TSPEAR: variants seen among roughly 807,000 people sequenced by gnomAD.
TSPEAR encodes thrombospondin type laminin G domain and EAR repeats, also known as thrombospondin-type laminin G domain and EAR repeat-containing protein.
Under a neutral mutation model 71.6 loss-of-function variants are expected in TSPEAR, and 69 were observed. The ratio of observed to expected loss-of-function variants is 0.96; its 90% confidence interval spans 0.79 to 1.18. The LOEUF (loss-of-function observed/expected upper bound fraction) is 1.18, where lower values mean the gene tolerates loss of function less well. Among genes scored for constraint, TSPEAR ranks in the 50% most tolerant of loss-of-function variants. TSPEAR has a pLI of 0.00. For missense variants in TSPEAR, 971 were observed against 894.9 expected (o/e 1.09, Z -1.09); for synonymous variants, 402 against 387.2 (o/e 1.04, Z -0.45).
At position 44,689,715 on chromosome 21, in the gene TSPEAR, A is replaced by G. The variant is rs369742085; in HGVS notation, c.82+21718T>C. On this transcript the variant is annotated intron_variant, in intron 1 of 11. Transcript: ENST00000323084. The stretch of plus-strand genomic sequence containing the variant: ...CTTAGAGGGACAGAATAGAATGAAT[A>G]TATATATATATATATATATATATAT... Among the ~76,000 whole-genome samples the G allele has an allele frequency of 5.3e-3, 419 of 79,280 alleles. 9 individuals are homozygous for G. Among genetic ancestry groups the G allele is most frequent in the African/African-American group, 7.6e-3 (129 of 16,998 alleles). The allele number at this position is 79,280 out of a possible 152,430, so 52.0% of individuals were successfully genotyped here. A position where few individuals can be genotyped will look rare whatever the true frequency, so the allele number is the denominator to read the frequency against.
chr21:44,699,885 G>A (rs1030855757), intron 1 of TSPEAR, among the ~76,000 whole-genome samples: 28 of 152,230 alleles, frequency 1.8e-4, no homozygotes, highest in African/African-American at 4.3e-4. Flanking sequence ...TCCCCTGACC[G>A]GCTGGGGCAG....
rs1319169583 is a variant in TSPEAR, at chr21:44,506,707, G to A, written c.1755-1826C>T. ...CTGTGATCACATGCTCTGGTCTGGA[G>A]GCACGGCCGCGGGCCCCGGGTCAGT... On this transcript the variant is annotated intron_variant, in intron 10 of 11. Coordinates refer to ENST00000323084, the MANE Select transcript of TSPEAR (RefSeq NM_144991.3). This position sits in a 1 kb window ranked among gnomAD's most constrained non-coding sequence, Gnocchi z 4.2. 1.3e-5 allele frequency: 2 copies of A among 152,416 alleles called. No homozygotes were observed. Among genetic ancestry groups the A allele is most frequent in the East Asian group, 3.9e-4 (2 of 5,184 alleles). The allele number at this position is 152,416 out of a possible 1,614,324, so 9.4% of individuals were successfully genotyped here.
chr21:44,536,007 T>C (rs2053085639), intron 2 of TSPEAR, among the ~76,000 whole-genome samples: 1 of 152,014 alleles, frequency 6.6e-6, no homozygotes, highest in Non-Finnish European at 1.5e-5. Context: ...CACTCCAAGC[T>C]CCTTACCCTC....
intron 1 of TSPEAR, among the ~76,000 whole-genome samples, chr21:44,585,420 T>C (rs141450936): frequency 6.6e-6 from 1 of 152,356 alleles, no homozygotes; most frequent in African/African-American, 2.4e-5. Flanking sequence ...GGTCCCATCT[T>C]CTTTTAGTTC....
chr21:44,562,019 T>C (rs1189540686), intron 2 of TSPEAR, among the ~76,000 whole-genome samples: 1 of 152,106 alleles, frequency 6.6e-6, no homozygotes, highest in Non-Finnish European at 1.5e-5. Context: ...AGTATTCGAA[T>C]AGAAAAAGAG....
intron 1 of TSPEAR, chr21:44,574,827 C>T (rs1397331443): frequency 1.9e-6 from 3 of 1,613,992 alleles, no homozygotes; most frequent in South Asian, 2.2e-5. Flanking sequence ...CTGCTGCAGA[C>T]CCTCCTCCTC....
intron 1 of TSPEAR, among the ~76,000 whole-genome samples, chr21:44,597,501 C>T (rs587714604): frequency 2.7e-5 from 4 of 149,904 alleles, no homozygotes; most frequent in South Asian, 2.1e-4. Context: ...GGTGCGATCT[C>T]GGCTCACTGC....
At chr21:44,598,598 TG>T (rs1980527545) in intron 1 of TSPEAR, among the ~76,000 whole-genome samples, 1 of 152,250 alleles carries the variant, frequency 6.6e-6, no homozygotes, top group South Asian at 2.1e-4. Context: ...ATTATTCAAG[TG>T]TAACATATGT....
At chr21:44,685,907 G>A (rs371379364) in intron 1 of TSPEAR, among the ~76,000 whole-genome samples, 64 of 152,310 alleles carry the variant, frequency 4.2e-4, no homozygotes, top group African/African-American at 1.4e-3. Flanking sequence ...TGCTGGCAAA[G>A]ATCAATGAGA....
At chr21:44,592,898 G>A (rs1555927123) in intron 1 of TSPEAR, among the ~76,000 whole-genome samples, 1 of 152,118 alleles carries the variant, frequency 6.6e-6, no homozygotes, top group Non-Finnish European at 1.5e-5. Flanking sequence ...CCCATCACCG[G>A]ACACAGGACT....
intron 2 of TSPEAR, among the ~76,000 whole-genome samples, chr21:44,561,782 C>T (rs181618583): frequency 2.6e-5 from 4 of 152,258 alleles, no homozygotes; most frequent in Admixed American, 6.5e-5. Context: ...ATTCAACATC[C>T]CTTCATGTTA....
chr21:44,622,803 T>C (rs1982528148), intron 1 of TSPEAR, among the ~76,000 whole-genome samples: 1 of 152,230 alleles, frequency 6.6e-6, no homozygotes, highest in Non-Finnish European at 1.5e-5. Context: ...TTTGGTTGTA[T>C]GGCCCTGCCA....
chr21:44,521,933 G>T lies in TSPEAR; in HGVS notation c.1516C>A (p.His506Asn). 6.2e-7 allele frequency: 1 copy of T among 1,614,098 alleles called. No homozygotes were observed. The highest frequency in any genetic ancestry group is 8.5e-7 in the Non-Finnish European group (1 of 1,180,006). Residue 506 changes from histidine to asparagine, a missense_variant, in exon 9 of 12, where the codon CAC becomes AAC. His to Asn is a moderately conservative substitution (Grantham distance 68). Coordinates refer to ENST00000323084, the MANE Select transcript of TSPEAR (RefSeq NM_144991.3). ...GAGCCCAGGAGTCGGATGTAGAGGT[G>T]CGAGTGCACCTTGGTGGAGGTGCCG... ...FNGTSTKVHS[H>N]LYIRLLGSFQ...
In TSPEAR at chr21:44,593,740, C is replaced by T. The variant is rs373891721; in HGVS notation, c.83-25735G>A. Among the ~76,000 whole-genome samples the T allele has an allele frequency of 3.3e-5, 5 of 152,204 alleles. No individual in the cohort carries two copies. The highest frequency in any genetic ancestry group is 6.5e-5 in the Admixed American group (1 of 15,288). On this transcript the variant is annotated intron_variant, in intron 1 of 11. Transcript: ENST00000323084. This position sits in a 1 kb window ranked among gnomAD's most constrained non-coding sequence, Gnocchi z 5.9. ...AGGCCGCGCCAGGCAAGGGACAAGC[C>T]GCGTGCCCTACACTGAGAGGACGGA...
intron 1 of TSPEAR, among the ~76,000 whole-genome samples, chr21:44,618,707 G>A (rs374046524): frequency 9.2e-5 from 14 of 152,144 alleles, no homozygotes; most frequent in Admixed American, 2.0e-4. Context: ...TGCCTGTTTC[G>A]ACCGTCTGGT....
chr21:44,581,130 T>C (rs1555925090), intron 1 of TSPEAR, among the ~76,000 whole-genome samples: 1 of 152,202 alleles, frequency 6.6e-6, no homozygotes, highest in Non-Finnish European at 1.5e-5. Context: ...AGGGGAATGC[T>C]CAGAGATTTG....
intron 1 of TSPEAR, among the ~76,000 whole-genome samples, chr21:44,640,034 A>G (rs1555938208): frequency 6.6e-6 from 1 of 152,226 alleles, no homozygotes; most frequent in Non-Finnish European, 1.5e-5. Context: ...GTCCAGTTCT[A>G]GGCATCTACC....
rs587600930 is a variant in TSPEAR, at chr21:44,612,260, C to G, written c.83-44255G>C. The G allele has an allele frequency of 2.5e-6, 4 of 1,613,406 alleles. No homozygotes were observed. In the African/African-American group the frequency reaches 4.0e-5, roughly 16 times the overall value. ...TTGCCAGGAAAGCTGCTGCGAGCCCCGCTCCTGTGCCTCCAGCTGCTGTAC... is the reference window on the plus strand; with the variant it reads ...TTGCCAGGAAAGCTGCTGCGAGCCCGGCTCCTGTGCCTCCAGCTGCTGTAC... On this transcript the variant is annotated intron_variant, in intron 1 of 11. Coordinates refer to ENST00000323084, the MANE Select transcript of TSPEAR (RefSeq NM_144991.3). The surrounding 1 kb of genome is among the most constrained non-coding windows in gnomAD (Gnocchi z 4.1).
chr21:44,523,467 TC>T (rs2052779281), intron 8 of TSPEAR, among the ~76,000 whole-genome samples: 2 of 145,814 alleles, frequency 1.4e-5, no homozygotes, highest in African/African-American at 5.5e-5. Flanking sequence ...AGGTAATCAG[TC>T]AGTCAGGCAG....
Sources: allele counts gnomAD v4.1 joint callset (sites outside exome capture counted in the v4.1 genomes callset), GRCh38; gene constraint gnomAD v4.1.1; non-coding constraint Gnocchi (gnomAD v3.1); transcripts MANE v1.5; gene names NCBI Gene and HGNC (gene_info 2026-07-23, HGNC 2026-07-21).